SYBU: variants seen among roughly 807,000 people sequenced by gnomAD.
The protein encoded by SYBU is GOLSYN A protein.
Under a neutral mutation model 35.9 loss-of-function variants are expected in SYBU, and 21 were observed. That is an observed-to-expected ratio of 0.58 (90% CI 0.41 to 0.84). The LOEUF is 0.84. SYBU is among the 40% of genes least tolerant of loss of function. The pLI, the probability that SYBU is intolerant of heterozygous loss-of-function variation, is 0.00. For synonymous variants in SYBU, 319 were observed against 324.3 expected (o/e 0.98, Z 0.18); for missense variants, 768 against 848.2 (o/e 0.91, Z 1.17).
intron 2 of SYBU, among the ~76,000 whole-genome samples, chr8:109,639,027 T>TG (rs1476217636): frequency 2.6e-5 from 4 of 152,096 alleles, no homozygotes; most frequent in African/African-American, 9.7e-5. Flanking sequence ...AAAGCTCCCA[T>TG]GGGAAAGCAA....
chr8:109,592,597 G>A (rs1824412992), intron 3 of SYBU, among the ~76,000 whole-genome samples: 1 of 152,214 alleles, frequency 6.6e-6, no homozygotes, highest in African/African-American at 2.4e-5. Flanking sequence ...GGCTGGCTCA[G>A]CTACCTGTCT....
Position 109,615,997 on chromosome 8 carries a change from CT to C in SYBU, c.427+2844del, listed in dbSNP as rs144362049. On this transcript the variant is annotated intron_variant, in intron 3 of 6. Transcript: ENST00000276646. The stretch of plus-strand genomic sequence containing the variant: ...TATTCCCTGTAATTTCTTTTCTTTT[CT>C]TTTCTTTCTTTTTTTTTTTTTTTTT... Among the ~76,000 whole-genome samples the C allele has an allele frequency of 8.4e-3, 803 of 95,578 alleles. 8 individuals carry two copies. The highest frequency in any genetic ancestry group is 0.026 in the African/African-American group (526 of 20,460). 62.7% of individuals were successfully genotyped at this position (95,578 alleles called of 152,430 possible).
At chr8:109,580,426 T>A (rs1203241389) in intron 4 of SYBU, 1 of 176,418 alleles carries the variant, frequency 5.7e-6, no homozygotes, top group Non-Finnish European at 1.2e-5. Flanking sequence ...GGTAAGAAAA[T>A]TAATGCGGTT....
At chr8:109,688,748 A>C (rs773841460) in intron 1 of SYBU, among the ~76,000 whole-genome samples, 5 of 151,476 alleles carry the variant, frequency 3.3e-5, no homozygotes, top group Non-Finnish European at 7.4e-5. Context: ...TGCAGACTCA[A>C]AACCTCAGTA....
intron 1 of SYBU, chr8:109,644,294 A>G (rs2130664147): frequency 3.8e-6 from 2 of 527,968 alleles, no homozygotes; most frequent in African/African-American, 1.9e-5. Flanking sequence ...GACACGCGGG[A>G]GTCCTCTTTT....
intron 5 of SYBU, among the ~76,000 whole-genome samples, chr8:109,579,576 T>C (rs1179053769): frequency 1.3e-5 from 2 of 152,178 alleles, no homozygotes; most frequent in African/African-American, 4.8e-5. Flanking sequence ...TTTCTCTCCC[T>C]ATTCAGGAAC....
At chr8:109,617,243 A>T (rs1811907836) in intron 3 of SYBU, among the ~76,000 whole-genome samples, 1 of 152,246 alleles carries the variant, frequency 6.6e-6, no homozygotes, top group South Asian at 2.1e-4. Context: ...AAAAGCCCAC[A>T]TACTGTATAA....
intron 1 of SYBU, among the ~76,000 whole-genome samples, chr8:109,652,987 A>G (rs994381177): frequency 2.0e-5 from 3 of 152,214 alleles, no homozygotes; most frequent in African/African-American, 7.2e-5. Context: ...TAAGCCCAGC[A>G]TAGTCCCTTG....
rs1300525834 is a variant in SYBU at position 109,579,938 on chromosome 8, G to T, written c.595C>A (p.Pro199Thr). The change falls in exon 5 of 7, where the codon CCG becomes ACG. Residue 199 changes from proline (P) to threonine (T), a missense_variant. Pro to Thr is a conservative substitution (Grantham distance 38). Coordinates refer to ENST00000276646, the MANE Select transcript of SYBU (RefSeq NM_001099754.2). Reference sequence around the variant, plus strand: ...ATGGACAGAAGGTCCTTTTCCCGCGGGGATGATGGGCTGCTGCCAGGCTTG... The same window carrying T: ...ATGGACAGAAGGTCCTTTTCCCGCGTGGATGATGGGCTGCTGCCAGGCTTG... Reference protein sequence around the residue: ...SHKPGSSPSSPREKDLLSMLC... With the variant: ...SHKPGSSPSSTREKDLLSMLC... 11 of 1,613,920 alleles carry T rather than the reference G, an allele frequency of 6.8e-6. No individual in the cohort carries two copies. The highest frequency in any genetic ancestry group is 8.5e-6 in the Non-Finnish European group (10 of 1,180,030).
At position 109,584,203 on chromosome 8, in the gene SYBU, C is replaced by A. The variant is rs964052149; in HGVS notation, c.530+1857G>T. On this transcript the variant is annotated intron_variant, in intron 4 of 6. Coordinates refer to ENST00000276646, the MANE Select transcript of SYBU (RefSeq NM_001099754.2). The surrounding 1 kb of genome is among the most constrained non-coding windows in gnomAD (Gnocchi z 4.0). The stretch of plus-strand genomic sequence containing the variant: ...TTAATTTTTGTTAAACCTTTGAAGT[C>A]TATTATTGCTTGGCTATAACAGATA... Among the ~76,000 whole-genome samples, 2 of 152,226 alleles carry A rather than the reference C, an allele frequency of 1.3e-5. No homozygotes were observed. The highest frequency in any genetic ancestry group is 3.4e-3 in the Middle Eastern group (1 of 294).
intron 1 of SYBU, among the ~76,000 whole-genome samples, chr8:109,651,229 A>G (rs902407674): frequency 2.0e-5 from 3 of 152,174 alleles, no homozygotes; most frequent in African/African-American, 4.8e-5. Context: ...TAGCAAAGCT[A>G]AGGCTGGAGA....
At chr8:109,578,111 G>A in intron 5 of SYBU, 94 bp from the exon 6 acceptor site, 1 of 1,359,860 alleles carries the variant, frequency 7.4e-7, no homozygotes. Context: ...GAATGTCTGT[G>A]TCCCTCCAGA....
At chr8:109,601,627 G>T (rs1825532170) in intron 3 of SYBU, among the ~76,000 whole-genome samples, 2 of 152,126 alleles carry the variant, frequency 1.3e-5, no homozygotes, top group African/African-American at 4.8e-5. Flanking sequence ...AATATGTCAT[G>T]GGAGAGATGA....
chr8:109,583,882 C>T lies in SYBU; in HGVS notation c.530+2178G>A, dbSNP rs945790090. ...GGAGTGCAGTGGTGCAATCTTGACT[C>T]ACTGCAACCTCCGCCTCTCAGGTTC... On this transcript the variant is annotated intron_variant, in intron 4 of 6. Transcript: ENST00000276646. Among the ~76,000 whole-genome samples the T allele has an allele frequency of 2.6e-5, 4 of 152,128 alleles. No individual in the cohort carries two copies. The East Asian group carries it at 5.8e-4, about 22-fold the overall frequency.
At chr8:109,586,264 C>T (rs1823611280) in intron 3 of SYBU, 102 bp from the exon 4 acceptor site, 2 of 817,262 alleles carry the variant, frequency 2.4e-6, no homozygotes, top group African/African-American at 3.4e-5. Context: ...CGTTTGCACA[C>T]TATTGGCAAG....
In SYBU at chr8:109,592,244, T is replaced by G. The variant is rs147393259; in HGVS notation, c.428-6082A>C. On this transcript the variant is annotated intron_variant, in intron 3 of 6. Transcript: ENST00000276646. ...ACTCATACATTTTTATAATTACTCT[T>G]TACAAAAGGTGGTTTTCCTTTTGCC... Among the ~76,000 whole-genome samples, 364 of 152,308 alleles carry G rather than the reference T, an allele frequency of 2.4e-3. 5 individuals are homozygous for G. The highest frequency in any genetic ancestry group is 0.018 in the Admixed American group (270 of 15,302).
chr8:109,645,350 G>A, upstream of SYBU: 1 of 456,636 alleles, frequency 2.2e-6, no homozygotes, highest in South Asian at 1.5e-5. Context: ...GGATCTGAAA[G>A]GCTGCGATGG....
chr8:109,684,950 C>T (rs1480573343), upstream of SYBU, among the ~76,000 whole-genome samples: 1 of 152,104 alleles, frequency 6.6e-6, no homozygotes, highest in Non-Finnish European at 1.5e-5. Flanking sequence ...CTTCCATAAA[C>T]AGATCAAGAG....
At chr8:109,626,547 T>G (rs563303539) in intron 2 of SYBU, among the ~76,000 whole-genome samples, 1 of 152,216 alleles carries the variant, frequency 6.6e-6, no homozygotes, top group Non-Finnish European at 1.5e-5. Flanking sequence ...AAATATTAGA[T>G]TGCCCAAAGT....
Sources: allele counts gnomAD v4.1 joint callset (sites outside exome capture counted in the v4.1 genomes callset), GRCh38; gene constraint gnomAD v4.1.1; non-coding constraint Gnocchi (gnomAD v3.1); transcripts MANE v1.5; gene names NCBI Gene and HGNC (gene_info 2026-07-23, HGNC 2026-07-21).